The following C1QTNF3 variants were observed in gnomAD, a reference collection of about 807,000 sequenced individuals.
C1QTNF3 encodes the protein C1q and TNF related 3.
Under a neutral mutation model 32.6 loss-of-function variants are expected in C1QTNF3, and 26 were observed. The ratio of observed to expected loss-of-function variants is 0.80; its 90% CI spans 0.58 to 1.11. The LOEUF (loss-of-function observed/expected upper bound fraction) is 1.11, where lower values mean the gene tolerates loss of function less well. Among genes scored for constraint, C1QTNF3 ranks in the 50% least tolerant of loss-of-function variants. C1QTNF3 has a pLI of 0.00. For synonymous variants in C1QTNF3, 155 were observed against 146.0 expected (o/e 1.06, Z -0.44); for missense variants, 362 against 398.2 (o/e 0.91, Z 0.77).
upstream of C1QTNF3, among the ~76,000 whole-genome samples, chr5:34,044,423 G>A (rs72743399): frequency 3.9e-5 from 6 of 152,280 alleles, no homozygotes; most frequent in African/African-American, 1.2e-4. Context: ...GGGGCGAGGA[G>A]GCACTGTGGG....
chr5:34,056,187 T>C, the C1QTNF3 span, among the ~76,000 whole-genome samples: 5 of 151,840 alleles, frequency 3.3e-5, no homozygotes, highest in Admixed American at 2.0e-4. Context: ...GAGTTCCAAG[T>C]CATTATTTTA....
the C1QTNF3 span, among the ~76,000 whole-genome samples, chr5:34,132,006 T>C: frequency 6.6e-6 from 1 of 152,180 alleles, no homozygotes; most frequent in Non-Finnish European, 1.5e-5. Context: ...TAAATTTACA[T>C]AGTTAAAATA....
At chr5:34,203,683 C>T in the C1QTNF3 span, among the ~76,000 whole-genome samples, 1 of 149,066 alleles carries the variant, frequency 6.7e-6, no homozygotes, top group Non-Finnish European at 1.5e-5. Flanking sequence ...GAAACTCCAT[C>T]TAAAAGTAAA....
the C1QTNF3 span, among the ~76,000 whole-genome samples, chr5:34,171,293 A>G: frequency 6.6e-6 from 1 of 151,768 alleles, no homozygotes; most frequent in Non-Finnish European, 1.5e-5. Context: ...TATAAATCTC[A>G]AGTGCAGAGC....
At chr5:34,112,859 T>C in the C1QTNF3 span, among the ~76,000 whole-genome samples, 10 of 152,218 alleles carry the variant, frequency 6.6e-5, no homozygotes, top group South Asian at 2.1e-3. Flanking sequence ...TCCATGAAGT[T>C]TGGTCTTTTG....
chr5:34,064,122 C>T, the C1QTNF3 span, among the ~76,000 whole-genome samples: 2 of 152,148 alleles, frequency 1.3e-5, no homozygotes, highest in Non-Finnish European at 2.9e-5. Context: ...AAAGCCCTTC[C>T]CCAGACAGCC....
the C1QTNF3 span, among the ~76,000 whole-genome samples, chr5:34,063,786 T>C: frequency 3.3e-5 from 5 of 151,890 alleles, no homozygotes; most frequent in Non-Finnish European, 7.4e-5. Context: ...CTAGAGGAAA[T>C]GAAAATCTGA....
the C1QTNF3 span, among the ~76,000 whole-genome samples, chr5:34,203,513 C>T: frequency 1.3e-5 from 2 of 151,916 alleles, no homozygotes; most frequent in Non-Finnish European, 1.5e-5. Context: ...TAGTGAAACC[C>T]TATCTCCATT....
rs958520640 is a variant in C1QTNF3 at position 34,033,589 on chromosome 5, A to T, written c.416-131T>A. On this transcript the variant is annotated intron_variant, in intron 2 of 5. Transcript: ENST00000382065. ...ATAATCCCAAATATAACCAAGGGGT[A>T]TCATCATCTAAATAGGGCAATAGGC... The T allele has an allele frequency of 4.5e-6, 5 of 1,106,786 alleles. No individual in the cohort carries two copies. The African/African-American group carries it at 7.8e-5, about 17-fold the overall frequency. The allele number at this position is 1,106,786 out of a possible 1,614,324, so 68.6% of individuals were successfully genotyped here. A position where few individuals can be genotyped will look rare whatever the true frequency, so the allele number is the denominator to read the frequency against.
chr5:34,174,010 G>C, the C1QTNF3 span, among the ~76,000 whole-genome samples: 2 of 152,206 alleles, frequency 1.3e-5, no homozygotes, highest in South Asian at 2.1e-4. Context: ...CAAAAGTTGT[G>C]AATGCCAATT....
At chr5:34,065,244 C>A in the C1QTNF3 span, among the ~76,000 whole-genome samples, 2 of 152,172 alleles carry the variant, frequency 1.3e-5, no homozygotes, top group Non-Finnish European at 2.9e-5. Flanking sequence ...CATGAACAGA[C>A]ACTTCTCAAA....
the C1QTNF3 span, among the ~76,000 whole-genome samples, chr5:34,159,195 A>G: frequency 6.6e-6 from 1 of 151,954 alleles, no homozygotes; most frequent in African/African-American, 2.4e-5. Flanking sequence ...AACTCTGTGT[A>G]TTTGAAATTC....
At chr5:34,062,412 A>T in the C1QTNF3 span, among the ~76,000 whole-genome samples, 3 of 152,138 alleles carry the variant, frequency 2.0e-5, no homozygotes, top group Admixed American at 1.3e-4. Context: ...TTGTTGCCCC[A>T]GATTAAGTCC....
chr5:34,189,684 G>A, the C1QTNF3 span, among the ~76,000 whole-genome samples: 13 of 151,982 alleles, frequency 8.6e-5, no homozygotes, highest in African/African-American at 3.2e-4. Context: ...TCCCAGGAGC[G>A]GTTACCCGGG....
chr5:34,103,805 A>T, the C1QTNF3 span, among the ~76,000 whole-genome samples: 1 of 150,608 alleles, frequency 6.6e-6, no homozygotes, highest in Non-Finnish European at 1.5e-5. Context: ...CTGGGTGACA[A>T]GAGCAAAATT....
chr5:34,144,080 C>A, the C1QTNF3 span, among the ~76,000 whole-genome samples: 1 of 151,916 alleles, frequency 6.6e-6, no homozygotes, highest in Non-Finnish European at 1.5e-5. Flanking sequence ...AGAGAATGAT[C>A]TACCAAGCAA....
chr5:34,043,522 C>G (rs1393805888), upstream of C1QTNF3: 2 of 177,486 alleles, frequency 1.1e-5, no homozygotes, highest in Non-Finnish European at 2.4e-5. Context: ...TCTAAAAAGC[C>G]TTTTGGAAAA....
the C1QTNF3 span, among the ~76,000 whole-genome samples, chr5:34,236,139 A>G: frequency 6.6e-6 from 1 of 152,190 alleles, no homozygotes; most frequent in Non-Finnish European, 1.5e-5. Context: ...ATTTTCCACT[A>G]TTTTGACTTT....
the C1QTNF3 span, chr5:34,158,133 G>A: frequency 6.9e-6 from 1 of 145,360 alleles, no homozygotes; most frequent in Non-Finnish European, 1.5e-5. Flanking sequence ...TTGAGACAGA[G>A]TCTCCCTCTG....
Sources: allele counts gnomAD v4.1 joint callset (sites outside exome capture counted in the v4.1 genomes callset), GRCh38; gene constraint gnomAD v4.1.1; transcripts MANE v1.5; gene names NCBI Gene and HGNC (gene_info 2026-07-23, HGNC 2026-07-21).